The following CCDC15 variants were observed in gnomAD, a reference collection of about 807,000 sequenced individuals.
CCDC15 encodes coiled-coil domain-containing protein 15.
CCDC15 carries 105 observed loss-of-function variants against 114.5 expected under a neutral mutation model. The ratio of observed to expected loss-of-function variants is 0.92; its 90% confidence interval spans 0.78 to 1.08. The LOEUF is 1.08. Ranked by LOEUF, CCDC15 falls within the 50% of genes least tolerant of loss-of-function variation. CCDC15 has a pLI of 0.00. For synonymous variants in CCDC15, 334 were observed against 377.8 expected (o/e 0.88, Z 1.34); for missense variants, 1,105 against 1,093.6 (o/e 1.01, Z -0.15).
chr11:125,016,045 G>A (rs1948627370), intron 13 of CCDC15, among the ~76,000 whole-genome samples: 1 of 152,134 alleles, frequency 6.6e-6, no homozygotes, highest in Non-Finnish European at 1.5e-5. Flanking sequence ...TTAAAGAATT[G>A]TCTTTGGATG....
intron 2 of CCDC15, among the ~76,000 whole-genome samples, chr11:124,957,567 G>C (rs1169782470): frequency 2.0e-5 from 3 of 152,178 alleles, no homozygotes; most frequent in Non-Finnish European, 4.4e-5. Context: ...GAGTAAAAGA[G>C]GAGCAGAGAA....
chr11:125,001,419 T>A (rs1246516430), intron 11 of CCDC15, among the ~76,000 whole-genome samples: 1 of 152,252 alleles, frequency 6.6e-6, no homozygotes, highest in African/African-American at 2.4e-5. Context: ...ACATATACAA[T>A]TGACCTATTA....
chr11:125,012,492 A>G (rs1001619352), intron 13 of CCDC15, among the ~76,000 whole-genome samples: 3 of 152,226 alleles, frequency 2.0e-5, no homozygotes, highest in Non-Finnish European at 4.4e-5. Context: ...TGAGAAACAA[A>G]CATATTCAAA....
At chr11:125,006,458 A>AT (rs1174811064) in intron 13 of CCDC15, among the ~76,000 whole-genome samples, 3 of 151,886 alleles carry the variant, frequency 2.0e-5, no homozygotes, top group African/African-American at 7.3e-5. Context: ...TTTTGTAAAC[A>AT]TTTTTTCCCC....
At chr11:124,978,081 C>G (rs748468581) in intron 6 of CCDC15, among the ~76,000 whole-genome samples, 1 of 152,060 alleles carries the variant, frequency 6.6e-6, no homozygotes, top group Non-Finnish European at 1.5e-5. Context: ...GTTTAGCTCC[C>G]GCTTGTAAGT....
chr11:124,977,004 T>C (rs1267409619), intron 5 of CCDC15, among the ~76,000 whole-genome samples: 1 of 152,156 alleles, frequency 6.6e-6, no homozygotes, highest in Non-Finnish European at 1.5e-5. Context: ...CCCTCAAATC[T>C]CAACAATTTT....
chr11:124,986,692 T>TGTGTGTGTGG, intron 6 of CCDC15, 50 bp from the exon 7 acceptor site: 1 of 1,426,302 alleles, frequency 7.0e-7, no homozygotes, highest in Non-Finnish European at 9.3e-7. Flanking sequence ...TGTGTGTGTT[T>TGTGTGTGTGG]GTGTGTGTGC....
intron 13 of CCDC15, among the ~76,000 whole-genome samples, chr11:125,030,984 T>C (rs1323462638): frequency 6.6e-6 from 1 of 152,186 alleles, no homozygotes; most frequent in Non-Finnish European, 1.5e-5. Flanking sequence ...ACATAACTCT[T>C]CCCCAGATTT....
intron 5 of CCDC15, among the ~76,000 whole-genome samples, chr11:124,976,365 T>G (rs1339854871): frequency 6.6e-6 from 1 of 151,950 alleles, no homozygotes; most frequent in South Asian, 2.1e-4. Context: ...ACTAAGAAAT[T>G]TATAGTTAAA....
At chr11:124,981,449 A>T (rs1420689622) in intron 6 of CCDC15, among the ~76,000 whole-genome samples, 1 of 152,090 alleles carries the variant, frequency 6.6e-6, no homozygotes, top group Non-Finnish European at 1.5e-5. Flanking sequence ...GGTTCAAGTG[A>T]TTCTCCTGCC....
At chr11:125,013,410 T>C (rs1255447371) in intron 13 of CCDC15, among the ~76,000 whole-genome samples, 1 of 152,198 alleles carries the variant, frequency 6.6e-6, no homozygotes, top group Non-Finnish European at 1.5e-5. Flanking sequence ...AATCTTACTA[T>C]AATCTTATAA....
chr11:124,954,894 G>C lies in CCDC15; in HGVS notation c.162G>C (p.Ser54=). The C allele has an allele frequency of 6.2e-7, 1 of 1,613,956 alleles. No individual in the cohort carries two copies. The highest frequency in any genetic ancestry group is 1.1e-5 in the South Asian group (1 of 91,072). The change falls in exon 2 of 16, where the codon TCG becomes TCC. Residue 54 remains serine (S), a synonymous_variant. Transcript: ENST00000344762. ...AWVEPASPGS[S]EIPAYTSAYL... ...TGGAACCTGCCTCACCAGGTAGTTC[G>C]GAAATCCCAGCATATGTGAGTGTCA...
At chr11:125,034,580 C>G (rs1460177998) in intron 13 of CCDC15, among the ~76,000 whole-genome samples, 2 of 152,170 alleles carry the variant, frequency 1.3e-5, no homozygotes, top group Non-Finnish European at 2.9e-5. Context: ...TTAGGAGCAA[C>G]CAACCAACTT....
intron 13 of CCDC15, among the ~76,000 whole-genome samples, chr11:125,029,328 T>A (rs1313651636): frequency 2.0e-5 from 3 of 152,068 alleles, no homozygotes; most frequent in African/African-American, 7.2e-5. Flanking sequence ...CCCATACACA[T>A]CTCCTGAGAT....
intron 13 of CCDC15, among the ~76,000 whole-genome samples, chr11:125,014,081 A>AT (rs1386408425): frequency 5.3e-5 from 8 of 152,322 alleles, no homozygotes; most frequent in African/African-American, 1.9e-4. Context: ...GAGGAGATGT[A>AT]GAGTTCAGGA....
At chr11:124,998,673 A>G (rs1948417422) in intron 11 of CCDC15, among the ~76,000 whole-genome samples, 1 of 148,180 alleles carries the variant, frequency 6.7e-6, no homozygotes, top group Admixed American at 6.7e-5. Context: ...TACACTGAAA[A>G]CTCCATTTTT....
intron 13 of CCDC15, among the ~76,000 whole-genome samples, chr11:125,029,460 A>G (rs1409054334): frequency 3.3e-5 from 5 of 152,266 alleles, no homozygotes. Context: ...CTTAAAGTTA[A>G]CAATACTTAA....
chr11:124,958,674 G>A (rs549610590), intron 2 of CCDC15, among the ~76,000 whole-genome samples: 1 of 152,268 alleles, frequency 6.6e-6, no homozygotes, highest in Non-Finnish European at 1.5e-5. Context: ...AGAGGGCTTA[G>A]AGAGAGAGTG....
At chr11:125,026,312 G>C (rs528922350) in intron 13 of CCDC15, among the ~76,000 whole-genome samples, 1 of 152,254 alleles carries the variant, frequency 6.6e-6, no homozygotes, top group East Asian at 1.9e-4. Flanking sequence ...CACTGGCTGA[G>C]TTCTGCCTGG....
Sources: allele counts gnomAD v4.1 joint callset (sites outside exome capture counted in the v4.1 genomes callset), GRCh38; gene constraint gnomAD v4.1.1; transcripts MANE v1.5; gene names NCBI Gene and HGNC (gene_info 2026-07-23, HGNC 2026-07-21).